Variants in COQ10B observed in about 807,000 individuals in gnomAD.
The protein encoded by COQ10B is coenzyme Q-binding protein COQ10 homolog B, mitochondrial.
A neutral mutation model predicts 27.6 loss-of-function variants in COQ10B; 12 were observed. The observed-to-expected ratio is 0.43, with a 90% CI of 0.28 to 0.70. The LOEUF (loss-of-function observed/expected upper bound fraction) is 0.70. Ranked by LOEUF, COQ10B falls within the 30% of genes least tolerant of loss-of-function variation. The pLI is 0.17. For missense variants in COQ10B, 278 were observed against 288.7 expected, an observed-to-expected ratio of 0.96 and a Z score of 0.27; for synonymous variants, 115 against 103.0, an observed-to-expected ratio of 1.12 and a Z score of -0.71.
At chr2:197,463,225 G>A (rs775888502) in intron 3 of COQ10B, among the ~76,000 whole-genome samples, 5 of 152,142 alleles carry the variant, frequency 3.3e-5, no homozygotes, top group Non-Finnish European at 7.3e-5. Flanking sequence ...TTTAATCCCA[G>A]CACTTTGGGA....
At chr2:197,455,466 GA>G (rs558187291) in intron 1 of COQ10B, among the ~76,000 whole-genome samples, 2 of 149,484 alleles carry the variant, frequency 1.3e-5, no homozygotes, top group Non-Finnish European at 3.0e-5. Context: ...CCAAAAAAAA[GA>G]AAAAAAAATG....
chr2:197,457,716 G>T (rs1297313511), intron 1 of COQ10B, among the ~76,000 whole-genome samples: 1 of 151,394 alleles, frequency 6.6e-6, no homozygotes. Context: ...CCGCGTCCCA[G>T]GTTCAAGCAT....
intron 3 of COQ10B, among the ~76,000 whole-genome samples, chr2:197,467,771 C>T (rs1434084414): frequency 1.3e-5 from 2 of 152,150 alleles, no homozygotes; most frequent in Non-Finnish European, 2.9e-5. Context: ...GAACAGAAGC[C>T]ATGTGACAGT....
chr2:197,454,342 A>T (rs149478354), intron 1 of COQ10B: 5 of 436,630 alleles, frequency 1.1e-5, no homozygotes, highest in Non-Finnish European at 2.0e-5. Flanking sequence ...ATAACATTGT[A>T]ATATTCTTGA....
In COQ10B at chr2:197,474,055, T is replaced by C; in HGVS notation, c.*131T>C. The C allele has an allele frequency of 1.7e-6, 1 of 579,810 alleles. No individual in the cohort carries two copies. The highest frequency in any genetic ancestry group is 2.7e-6 in the Non-Finnish European group (1 of 370,496). The allele number at this position is 579,810 out of a possible 1,614,324, so 35.9% of individuals were successfully genotyped here. A position where few individuals can be genotyped will look rare whatever the true frequency, so the allele number is the denominator to read the frequency against. On this transcript the variant is annotated 3_prime_UTR_variant, in exon 5 of 5. Coordinates refer to ENST00000263960, the MANE Select transcript of COQ10B (RefSeq NM_025147.5). Reference sequence around the variant, plus strand: ...AGCTTTGGTTATAAACCTGCACCATTGAAAATTTGCACATAGAATATAGAC... The same window carrying C: ...AGCTTTGGTTATAAACCTGCACCATCGAAAATTTGCACATAGAATATAGAC...
intron 2 of COQ10B, among the ~76,000 whole-genome samples, chr2:197,460,330 T>C (rs2085743875): frequency 6.6e-6 from 1 of 151,570 alleles, no homozygotes; most frequent in Non-Finnish European, 1.5e-5. Context: ...GCCTCCCGAG[T>C]AGCAGGCACA....
intron 1 of COQ10B, chr2:197,454,130 C>A (rs1156965390): frequency 4.5e-6 from 7 of 1,550,348 alleles, no homozygotes; most frequent in Non-Finnish European, 6.1e-6. Context: ...GCTTTGCCCT[C>A]GCCATTTAGT....
chr2:197,473,984 A>G lies in COQ10B; in HGVS notation c.*60A>G, dbSNP rs2085921989. ...TTTAGTTTGTTCACTTTTAGGAAGT[A>G]TTTTCATGACATGTTTTCAGAAGCC... On this transcript the variant is annotated 3_prime_UTR_variant, in exon 5 of 5. Transcript: ENST00000263960. The G allele has an allele frequency of 6.8e-6, 9 of 1,314,630 alleles. No homozygotes were observed. The highest frequency in any genetic ancestry group is 7.0e-6 in the Non-Finnish European group (7 of 994,620). The allele number at this position is 1,314,630 out of a possible 1,614,324, so 81.4% of individuals were successfully genotyped here. A position where few individuals can be genotyped will look rare whatever the true frequency, so the allele number is the denominator to read the frequency against.
In COQ10B at chr2:197,470,210, G is replaced by C. The variant is rs766935875; in HGVS notation, c.549+39G>C. 2.6e-6 allele frequency: 3 copies of C among 1,148,774 alleles called. No individual in the cohort carries two copies. The South Asian group carries it at 4.0e-5, about 15-fold the overall frequency. 71.2% of individuals were successfully genotyped at this position (1,148,774 alleles called of 1,614,324 possible). A position where few individuals can be genotyped will look rare whatever the true frequency, so the allele number is the denominator to read the frequency against. On this transcript the variant is annotated intron_variant, in intron 4 of 4. Transcript: ENST00000263960. ...AGCCCTTGATTTGTTCCACTTATGA[G>C]GTAAAATTGGTAAAAAGTAATCATT...
intron 3 of COQ10B, 107 bp from the exon 4 acceptor site, chr2:197,469,963 A>G (rs2085862142): frequency 1.5e-6 from 1 of 658,846 alleles, no homozygotes; most frequent in Non-Finnish European, 2.6e-6. Flanking sequence ...CTGACCTATA[A>G]AAATTATTAC....
intron 4 of COQ10B, 59 bp from the exon 5 acceptor site, chr2:197,473,695 CAAA>C (rs78531672): frequency 2.8e-3 from 2,602 of 938,846 alleles, no homozygotes; most frequent in South Asian, 6.6e-3. Context: ...CCAGGAAAAC[CAAA>C]AAAAAAAAAA....
intron 1 of COQ10B, among the ~76,000 whole-genome samples, chr2:197,458,356 C>G (rs1323796331): frequency 6.6e-6 from 1 of 152,102 alleles, no homozygotes; most frequent in Admixed American, 6.6e-5. Flanking sequence ...GCATGGCTAA[C>G]TCCTTGTCCA....
chr2:197,473,665 A>C, intron 4 of COQ10B, 92 bp from the exon 5 acceptor site: 1 of 931,564 alleles, frequency 1.1e-6, no homozygotes, highest in Non-Finnish European at 1.5e-6. Flanking sequence ...CAACCTGGGC[A>C]ACAAAGCGAG....
At chr2:197,454,489 T>G (rs1391812073) in intron 1 of COQ10B, among the ~76,000 whole-genome samples, 4 of 152,012 alleles carry the variant, frequency 2.6e-5, no homozygotes, top group African/African-American at 9.7e-5. Flanking sequence ...GGAAATAATT[T>G]TTTTAAAAAA....
chr2:197,463,593 G>GT (rs2085784542), intron 3 of COQ10B, among the ~76,000 whole-genome samples: 1 of 149,360 alleles, frequency 6.7e-6, no homozygotes, highest in African/African-American at 2.5e-5. Flanking sequence ...GGGCAACAGA[G>GT]TGAGACAGTG....
chr2:197,462,302 G>T (rs1355107550), intron 2 of COQ10B, among the ~76,000 whole-genome samples: 1 of 151,732 alleles, frequency 6.6e-6, no homozygotes, highest in Non-Finnish European at 1.5e-5. Flanking sequence ...CTTTATGTCA[G>T]ATTCAACCTG....
At position 197,460,051 on chromosome 2, in the gene COQ10B, G is replaced by T. The variant is rs757612479; in HGVS notation, c.224G>T (p.Arg75Met). The change falls in exon 2 of 5, where the codon AGG (arginine) becomes ATG (methionine). Residue 75 changes from arginine to methionine, a missense_variant. Arg to Met is a moderately conservative substitution (Grantham distance 91). Coordinates refer to ENST00000263960, the MANE Select transcript of COQ10B (RefSeq NM_025147.5). ...ATCACTGCACCATTAATAAACAAAA[G>T]GAAAGAATATTCAGAGAGAAGAATT... ...FKITAPLINK[R>M]KEYSERRILG... is the part of the protein sequence containing the mutation. 11 of 1,608,776 alleles carry T rather than the reference G, an allele frequency of 6.8e-6. No homozygotes were observed. The highest frequency in any genetic ancestry group is 9.3e-6 in the Non-Finnish European group (11 of 1,177,240).
At chr2:197,467,513 G>T (rs1457347759) in intron 3 of COQ10B, among the ~76,000 whole-genome samples, 2 of 152,120 alleles carry the variant, frequency 1.3e-5, no homozygotes, top group African/African-American at 4.8e-5. Flanking sequence ...GTGTAGCTGG[G>T]ATTAAAGGCA....
At chr2:197,457,412 A>G (rs1254196669) in intron 1 of COQ10B, among the ~76,000 whole-genome samples, 1 of 152,232 alleles carries the variant, frequency 6.6e-6, no homozygotes, top group Non-Finnish European at 1.5e-5. Flanking sequence ...TATGCATTGT[A>G]TGTATCGAAA....
Sources: gnomAD v4.1 joint callset for allele counts (sites outside exome capture counted in the v4.1 genomes callset) on GRCh38, gnomAD v4.1.1 for gene constraint, MANE v1.5 for transcripts, NCBI Gene and HGNC (gene_info 2026-07-23, HGNC 2026-07-21) for gene names.